Variants in CALN1 observed in about 807,000 individuals in gnomAD.
CALN1 encodes calneuron 1.
In CALN1, 17 loss-of-function variants were observed where a neutral mutation model predicts 30.6. The observed-to-expected ratio is 0.56, with a 90% confidence interval of 0.38 to 0.83. The LOEUF is 0.83. Ranked by LOEUF, CALN1 falls within the 40% of genes least tolerant of loss-of-function variation. The pLI is 0.00. For missense variants in CALN1, 291 were observed against 354.9 expected, an observed-to-expected ratio of 0.82 and a Z score of 1.45; for synonymous variants, 156 against 131.4, an observed-to-expected ratio of 1.19 and a Z score of -1.28.
chr7:72,488,845 A>G, the CALN1 span, among the ~76,000 whole-genome samples: 1 of 152,048 alleles, frequency 6.6e-6, no homozygotes, highest in Non-Finnish European at 1.5e-5. Flanking sequence ...CACCATGCCC[A>G]GGTAATCTTT....
At chr7:72,442,915 C>G (rs899826461) in intron 1 of CALN1, among the ~76,000 whole-genome samples, 4 of 151,730 alleles carry the variant, frequency 2.6e-5, no homozygotes, top group African/African-American at 9.7e-5. Flanking sequence ...TAGGATTGCA[C>G]TTTGTTAAGG....
intron 2 of CALN1, among the ~76,000 whole-genome samples, chr7:72,379,157 T>C (rs1804743288): frequency 6.6e-6 from 1 of 152,064 alleles, no homozygotes; most frequent in African/African-American, 2.4e-5. Context: ...TGAGACAGAG[T>C]CTTGCTCTGT....
chr7:72,145,965 C>T lies in CALN1; in HGVS notation c.245-39671G>A, dbSNP rs552238387. Among the ~76,000 whole-genome samples the T allele has an allele frequency of 6.4e-3, 969 of 152,228 alleles. 8 individuals are homozygous for T. Among genetic ancestry groups the T allele is most frequent in the African/African-American group, 0.022 (925 of 41,528 alleles). ...CTCAATAAATTAGGTATTGATGGGA[C>T]GTATCTCAAAATAATAAGAGCTATC... On this transcript the variant is annotated intron_variant, in intron 3 of 6. Coordinates refer to ENST00000395275, the MANE Select transcript of CALN1 (RefSeq NM_031468.4).
intron 3 of CALN1, among the ~76,000 whole-genome samples, chr7:72,166,423 C>A (rs1788528299): frequency 6.6e-6 from 1 of 152,136 alleles, no homozygotes. Context: ...CTCCTGGTCT[C>A]AAGTGATCCT....
At chr7:71,999,343 A>G (rs1799411702) in intron 5 of CALN1, among the ~76,000 whole-genome samples, 1 of 152,214 alleles carries the variant, frequency 6.6e-6, no homozygotes. Context: ...AACAGAGTTA[A>G]CAGGGAAAAC....
intron 3 of CALN1, among the ~76,000 whole-genome samples, chr7:72,108,775 C>T (rs1807354348): frequency 1.4e-5 from 2 of 139,920 alleles, no homozygotes; most frequent in South Asian, 2.7e-4. Context: ...AGCCCAAGTC[C>T]CTATTAAATG....
chr7:72,327,876 A>G (rs1435944093), intron 2 of CALN1, among the ~76,000 whole-genome samples: 3 of 152,212 alleles, frequency 2.0e-5, no homozygotes, highest in Non-Finnish European at 4.4e-5. Flanking sequence ...AAGGGGGAAA[A>G]AAAGGTCATC....
chr7:72,337,173 C>A lies in CALN1; in HGVS notation c.120-58363G>T, dbSNP rs185578943. 1.0e-3 allele frequency: 989 copies of A among 985,340 alleles called. 9 individuals are homozygous for A. In the African/African-American group the frequency reaches 0.017, roughly 17 times the overall value. 61.0% of individuals were successfully genotyped at this position (985,340 alleles called of 1,614,324 possible). On this transcript the variant is annotated intron_variant, in intron 2 of 6. Coordinates refer to ENST00000395275, the MANE Select transcript of CALN1 (RefSeq NM_031468.4). ...GCGCCCTAGAAACTCCATGCAGCTC[C>A]GGCCTCCTCCCCAGCTCCTCCCCAG...
chr7:71,896,202 C>T (rs114372311), intron 5 of CALN1, among the ~76,000 whole-genome samples: 6 of 152,244 alleles, frequency 3.9e-5, no homozygotes, highest in African/African-American at 9.6e-5. Context: ...TGAGGAGGGA[C>T]GTGATTTGAT....
At chr7:72,275,209 G>A (rs779294822) in intron 3 of CALN1, among the ~76,000 whole-genome samples, 4 of 152,158 alleles carry the variant, frequency 2.6e-5, no homozygotes, top group Non-Finnish European at 4.4e-5. Context: ...AGGATGCTGC[G>A]ATGTCCATCA....
At chr7:72,290,673 CTTT>C (rs1014043865) in intron 2 of CALN1, among the ~76,000 whole-genome samples, 1 of 152,158 alleles carries the variant, frequency 6.6e-6, no homozygotes, top group Non-Finnish European at 1.5e-5. Flanking sequence ...TCTTTAAACT[CTTT>C]TTAATTGTTC....
rs530802765 is a variant in CALN1, at chr7:72,106,351, C to T, written c.245-57G>A. ...TCACATGGCTGGCTTTATTGCACTGCAGTTATTGGTGATTGCCTACTGAGA... is the reference window on the plus strand; with the variant it reads ...TCACATGGCTGGCTTTATTGCACTGTAGTTATTGGTGATTGCCTACTGAGA... On this transcript the variant is annotated intron_variant, in intron 3 of 6. Transcript: ENST00000395275. The T allele has an allele frequency of 2.3e-5, 37 of 1,602,078 alleles. No individual in the cohort carries two copies. The South Asian group carries it at 3.5e-4, about 15-fold the overall frequency.
intron 5 of CALN1, among the ~76,000 whole-genome samples, chr7:72,012,630 A>AT (rs1800147590): frequency 6.6e-6 from 1 of 152,214 alleles, no homozygotes; most frequent in Non-Finnish European, 1.5e-5. Context: ...TAAGGCTGGT[A>AT]TGTGGAGAGC....
intron 3 of CALN1, among the ~76,000 whole-genome samples, chr7:72,141,502 T>G (rs1809935628): frequency 6.6e-6 from 1 of 151,976 alleles, no homozygotes; most frequent in African/African-American, 2.4e-5. Flanking sequence ...GCTAGGCCTA[T>G]GCACGTGTCC....
intron 5 of CALN1, among the ~76,000 whole-genome samples, chr7:71,880,958 T>C (rs1032717070): frequency 6.6e-6 from 1 of 152,162 alleles, no homozygotes; most frequent in Non-Finnish European, 1.5e-5. Context: ...GATTAACATT[T>C]GGGTCAGTGG....
At chr7:72,118,400 G>A (rs1221297670) in intron 3 of CALN1, among the ~76,000 whole-genome samples, 1 of 152,150 alleles carries the variant, frequency 6.6e-6, no homozygotes, top group African/African-American at 2.4e-5. Context: ...TACTACTCAG[G>A]TCATGAAAAG....
intron 3 of CALN1, among the ~76,000 whole-genome samples, chr7:72,185,784 T>C (rs1221403249): frequency 2.0e-5 from 3 of 152,238 alleles, no homozygotes; most frequent in Admixed American, 6.5e-5. Context: ...GGGGTTCTGC[T>C]TTCCCGTCTT....
At chr7:72,275,882 G>T (rs374453194) in intron 3 of CALN1, among the ~76,000 whole-genome samples, 3 of 152,276 alleles carry the variant, frequency 2.0e-5, no homozygotes, top group Non-Finnish European at 2.9e-5. Flanking sequence ...GGGAGAGGAG[G>T]GTTGAAATCC....
rs1305576740 is a variant in CALN1, at chr7:72,271,564, T to TAAAAAAAAAA, written c.244+7112_244+7121dup. 4.6e-4 allele frequency among the ~76,000 whole-genome samples: 30 copies of TAAAAAAAAAA among 64,558 alleles called. 1 individual carries two copies. Among genetic ancestry groups the TAAAAAAAAAA allele is most frequent in the South Asian group, 1.5e-3 (2 of 1,318 alleles). The allele number at this position is 64,558 out of a possible 152,430, so 42.4% of individuals were successfully genotyped here. On this transcript the variant is annotated intron_variant, in intron 3 of 6. Coordinates refer to ENST00000395275, the MANE Select transcript of CALN1 (RefSeq NM_031468.4). ...AGCATGAACCACTGTGCCTGCCTTT[T>TAAAAAAAAAA]AAAAAAAAAAAATATATATATATAT...
Sources: gnomAD v4.1 joint callset for allele counts (sites outside exome capture counted in the v4.1 genomes callset) on GRCh38, gnomAD v4.1.1 for gene constraint, MANE v1.5 for transcripts, NCBI Gene and HGNC (gene_info 2026-07-23, HGNC 2026-07-21) for gene names.